Variants in MARCHF1 observed in about 807,000 individuals in gnomAD.
The protein encoded by MARCHF1 is E3 ubiquitin-protein ligase MARCHF1.
A neutral mutation model predicts 54.2 loss-of-function variants in MARCHF1; 40 were observed. That is an observed-to-expected ratio of 0.74 (90% CI 0.57 to 0.96). MARCHF1 has a LOEUF of 0.96. Among genes scored for constraint, MARCHF1 ranks in the 40% least tolerant of loss-of-function variants. The pLI, the probability that MARCHF1 is intolerant of heterozygous loss-of-function variation, is 0.00. For missense variants in MARCHF1, 586 were observed against 656.5 expected (o/e 0.89, Z 1.17); for synonymous variants, 236 against 236.3 (o/e 1.00, Z 0.01).
At chr4:164,350,769 C>T (rs1303242526) in intron 1 of MARCHF1, among the ~76,000 whole-genome samples, 1 of 152,150 alleles carries the variant, frequency 6.6e-6, no homozygotes, top group Non-Finnish European at 1.5e-5. Flanking sequence ...GCCAAGATGG[C>T]CGAATAGGAA....
At chr4:164,078,281 G>T (rs1755020667) in intron 2 of MARCHF1, among the ~76,000 whole-genome samples, 1 of 152,070 alleles carries the variant, frequency 6.6e-6, no homozygotes, top group African/African-American at 2.4e-5. Context: ...CACAAGAACA[G>T]AAAACCAAAC....
In MARCHF1 at chr4:163,880,054, T is replaced by A. The variant is rs181882585; in HGVS notation, c.-38-25885A>T. Among the ~76,000 whole-genome samples, 449 of 152,088 alleles carry A rather than the reference T, an allele frequency of 3.0e-3. 12 individuals carry two copies. The highest frequency in any genetic ancestry group is 1.2e-3 in the East Asian group (6 of 5,188). ...TTATAAATTATACAAGTATATGATA[T>A]TTATAAATTTAACAAATTTCCATAT... On this transcript the variant is annotated intron_variant, in intron 3 of 9. Transcript: ENST00000514618.
At chr4:163,841,216 G>T (rs181922201) in intron 4 of MARCHF1, among the ~76,000 whole-genome samples, 2 of 152,096 alleles carry the variant, frequency 1.3e-5, no homozygotes, top group East Asian at 3.9e-4. Flanking sequence ...TTATAAATTT[G>T]TCCAAACCCA....
chr4:163,528,558 A>ACTTCATGGGCTC lies in MARCHF1; in HGVS notation c.*178_*189dup. ...ATATCATACTTTACTTTACGCTATT[A>ACTTCATGGGCTC]CTTCATGGGCTCCTGGGCATTTGGT... On this transcript the variant is annotated 3_prime_UTR_variant, in exon 10 of 10. Transcript: ENST00000514618. 1.7e-6 allele frequency: 1 copy of ACTTCATGGGCTC among 578,824 alleles called. No individual in the cohort carries two copies. The highest frequency in any genetic ancestry group is 3.0e-6 in the Non-Finnish European group (1 of 330,414). 35.9% of individuals were successfully genotyped at this position (578,824 alleles called of 1,614,324 possible).
intron 2 of MARCHF1, among the ~76,000 whole-genome samples, chr4:164,091,243 G>T (rs1755292424): frequency 6.6e-6 from 1 of 151,716 alleles, no homozygotes; most frequent in South Asian, 2.1e-4. Context: ...ATATCTTCTT[G>T]ATTTAATAAT....
chr4:163,892,048 C>T (rs926047937), intron 3 of MARCHF1, among the ~76,000 whole-genome samples: 1 of 151,980 alleles, frequency 6.6e-6, no homozygotes, highest in African/African-American at 2.4e-5. Flanking sequence ...AACCTCAGCT[C>T]ACTGACATTG....
chr4:163,732,938 G>C (rs902315491), intron 4 of MARCHF1, among the ~76,000 whole-genome samples: 3 of 151,540 alleles, frequency 2.0e-5, no homozygotes, highest in Admixed American at 1.3e-4. Context: ...GATCATCTGA[G>C]GTCAGGAGTT....
At chr4:164,148,761 C>T (rs1729846614) in intron 1 of MARCHF1, among the ~76,000 whole-genome samples, 1 of 151,874 alleles carries the variant, frequency 6.6e-6, no homozygotes, top group South Asian at 2.1e-4. Flanking sequence ...AAGATTAATT[C>T]CTATAAGTAA....
intron 1 of MARCHF1, among the ~76,000 whole-genome samples, chr4:164,166,064 G>A (rs186308152): frequency 5.9e-4 from 90 of 152,118 alleles, no homozygotes; most frequent in African/African-American, 1.9e-3. Flanking sequence ...ATGCCAGGAA[G>A]AGACTGATAG....
At position 164,214,124 on chromosome 4, in the gene MARCHF1, G is replaced by A. The variant is rs536744402; in HGVS notation, c.-322-102462C>T. Among the ~76,000 whole-genome samples the A allele has an allele frequency of 1.1e-4, 16 of 151,470 alleles. No individual in the cohort carries two copies. In the South Asian group the frequency reaches 3.3e-3, roughly 32 times the overall value. On this transcript the variant is annotated intron_variant, in intron 1 of 9. Coordinates refer to ENST00000514618, the MANE Select transcript of MARCHF1 (RefSeq NM_001394959.1). The stretch of plus-strand genomic sequence containing the variant: ...TAAATATATATATTTCTGTATTCGT[G>A]ACACATACAACAATATTTTAAGTAA...
chr4:163,586,851 T>C (rs1380106616), intron 7 of MARCHF1, among the ~76,000 whole-genome samples: 1 of 152,192 alleles, frequency 6.6e-6, no homozygotes, highest in Non-Finnish European at 1.5e-5. Context: ...TTTTAAAGTA[T>C]AATGAAGGAA....
chr4:163,589,719 G>T (rs1740523479), intron 7 of MARCHF1, among the ~76,000 whole-genome samples: 2 of 152,188 alleles, frequency 1.3e-5, no homozygotes, highest in African/African-American at 2.4e-5. Flanking sequence ...ATTGTGTAGA[G>T]AAATTGATTT....
chr4:163,730,991 A>T (rs1170630904), intron 4 of MARCHF1, among the ~76,000 whole-genome samples: 3 of 152,120 alleles, frequency 2.0e-5, no homozygotes, highest in Non-Finnish European at 2.9e-5. Flanking sequence ...TAGCTCTTAG[A>T]TTTCTCCTCT....
At chr4:164,211,370 G>C (rs1337540067) in intron 1 of MARCHF1, among the ~76,000 whole-genome samples, 1 of 142,350 alleles carries the variant, frequency 7.0e-6, no homozygotes. Flanking sequence ...ATTGCAACCT[G>C]CATATTTGTA....
rs1411843981 is a variant in MARCHF1, at chr4:163,595,126, TG to T, written c.1011-9198del. Among the ~76,000 whole-genome samples the T allele has an allele frequency of 4.0e-5, 5 of 123,558 alleles. 1 individual carries two copies. The highest frequency in any genetic ancestry group is 1.5e-4 in the African/African-American group (5 of 34,122). The allele number at this position is 123,558 out of a possible 152,430, so 81.1% of individuals were successfully genotyped here. ...GCTCATGCCTGTAAACTCAGCACTT[TG>T]GGAGGCCAAGGCGGGAGGACTGCTT... On this transcript the variant is annotated intron_variant, in intron 7 of 9. Coordinates refer to ENST00000514618, the MANE Select transcript of MARCHF1 (RefSeq NM_001394959.1).
At chr4:163,710,265 A>C (rs1330155447) in intron 4 of MARCHF1, among the ~76,000 whole-genome samples, 1 of 152,196 alleles carries the variant, frequency 6.6e-6, no homozygotes, top group Non-Finnish European at 1.5e-5. Context: ...CAGCTATCAC[A>C]ACAAGCCATC....
intron 4 of MARCHF1, among the ~76,000 whole-genome samples, chr4:163,715,837 T>C (rs1051543502): frequency 1.3e-5 from 2 of 152,134 alleles, no homozygotes; most frequent in Non-Finnish European, 2.9e-5. Flanking sequence ...AGCAGATTTT[T>C]AAAAAACGTA....
intron 2 of MARCHF1, among the ~76,000 whole-genome samples, chr4:164,071,002 T>C (rs1387998403): frequency 6.6e-6 from 1 of 152,216 alleles, no homozygotes; most frequent in Non-Finnish European, 1.5e-5. Flanking sequence ...GCCGCTGCCA[T>C]GTAAAAAGAG....
intron 2 of MARCHF1, among the ~76,000 whole-genome samples, chr4:164,100,437 A>G (rs907449636): frequency 6.6e-6 from 1 of 152,220 alleles, no homozygotes; most frequent in Non-Finnish European, 1.5e-5. Flanking sequence ...TTCCTTCCTG[A>G]CAAAAACAAA....
Sources: allele counts gnomAD v4.1 joint callset (sites outside exome capture counted in the v4.1 genomes callset), GRCh38; gene constraint gnomAD v4.1.1; transcripts MANE v1.5; gene names NCBI Gene and HGNC (gene_info 2026-07-23, HGNC 2026-07-21).